The following STRBP variants were observed in gnomAD, a reference collection of about 807,000 sequenced individuals.
The protein encoded by STRBP is spermatid perinuclear RNA-binding protein.
STRBP carries 13 observed loss-of-function variants against 80.1 expected under a neutral mutation model. The observed-to-expected ratio is 0.16, with a 90% CI of 0.11 to 0.26. The LOEUF (loss-of-function observed/expected upper bound fraction) is 0.26. Among genes scored for constraint, STRBP ranks in the 10% least tolerant of loss-of-function variants. The probability of loss-of-function intolerance (pLI) is 1.00; values close to 1 mark genes in which losing one functional copy is unlikely to be tolerated. For synonymous variants in STRBP, 284 were observed against 291.2 expected (o/e 0.98, Z 0.25); for missense variants, 485 against 815.2 (o/e 0.59, Z 4.93).
intron 3 of STRBP, among the ~76,000 whole-genome samples, chr9:123,179,635 G>A (rs767253282): frequency 6.6e-6 from 1 of 152,088 alleles, no homozygotes; most frequent in Non-Finnish European, 1.5e-5. Flanking sequence ...AATTAGCTGG[G>A]TGTCGTGGCA....
At chr9:123,162,327 C>G (rs1336300443) in intron 6 of STRBP, among the ~76,000 whole-genome samples, 1 of 151,924 alleles carries the variant, frequency 6.6e-6, no homozygotes, top group Admixed American at 6.6e-5. Flanking sequence ...CAGGCTCAAG[C>G]GATCCTCCCA....
At chr9:123,139,205 T>C (rs918237196) in intron 14 of STRBP, among the ~76,000 whole-genome samples, 4 of 152,218 alleles carry the variant, frequency 2.6e-5, no homozygotes, top group African/African-American at 9.7e-5. Flanking sequence ...TCTTGGTATA[T>C]TCTGAAATAT....
chr9:123,262,848 C>T (rs2041187039), intron 1 of STRBP, among the ~76,000 whole-genome samples: 1 of 152,120 alleles, frequency 6.6e-6, no homozygotes, highest in Admixed American at 6.5e-5. Flanking sequence ...CACTTGGTCA[C>T]CTCACTATTC....
chr9:123,114,260 G>A (rs2035610739), intron 3 of STRBP: 1 of 167,070 alleles, frequency 6.0e-6, no homozygotes, highest in African/African-American at 2.4e-5. Flanking sequence ...GGCAGCACTG[G>A]GACAGACACA....
intron 6 of STRBP, among the ~76,000 whole-genome samples, chr9:123,168,702 C>T (rs896039954): frequency 6.6e-6 from 1 of 152,148 alleles, no homozygotes; most frequent in African/African-American, 2.4e-5. Flanking sequence ...CCCAGATAGG[C>T]TGCAATGCCT....
chr9:123,215,642 G>A (rs758235713), intron 2 of STRBP, among the ~76,000 whole-genome samples: 3 of 151,978 alleles, frequency 2.0e-5, no homozygotes, highest in South Asian at 2.1e-4. Flanking sequence ...AAAATTAGCC[G>A]GGTGTGGTGA....
At chr9:123,144,505 G>T (rs935916931) in intron 13 of STRBP, among the ~76,000 whole-genome samples, 5 of 152,096 alleles carry the variant, frequency 3.3e-5, no homozygotes, top group Non-Finnish European at 5.9e-5. Flanking sequence ...GCCACCCAGT[G>T]AATTTGCATC....
intron 1 of STRBP, among the ~76,000 whole-genome samples, chr9:123,244,269 C>T (rs892054195): frequency 6.6e-6 from 1 of 152,148 alleles, no homozygotes; most frequent in African/African-American, 2.4e-5. Flanking sequence ...ACTATGTTAA[C>T]AGTAAAAGGA....
At chr9:123,139,063 C>T (rs1049872667) in intron 14 of STRBP, among the ~76,000 whole-genome samples, 12 of 152,178 alleles carry the variant, frequency 7.9e-5, no homozygotes, top group African/African-American at 2.9e-4. Flanking sequence ...CTGTGTCAGG[C>T]TATGCCTTCC....
At chr9:123,196,770 C>G (rs1207380167) in intron 2 of STRBP, among the ~76,000 whole-genome samples, 1 of 152,118 alleles carries the variant, frequency 6.6e-6, no homozygotes, top group Non-Finnish European at 1.5e-5. Context: ...AAAGGAAACC[C>G]TTGTATACTG....
At chr9:123,156,678 C>CA (rs75671540) in intron 11 of STRBP, among the ~76,000 whole-genome samples, 1,084 of 88,416 alleles carry the variant, frequency 0.012, 5 homozygotes, top group South Asian at 0.031. Flanking sequence ...AGAAAAAGGC[C>CA]AAAAAAAAAA....
chr9:123,189,088 A>C (rs909217215), intron 2 of STRBP, among the ~76,000 whole-genome samples: 1 of 152,212 alleles, frequency 6.6e-6, no homozygotes, highest in African/African-American at 2.4e-5. Flanking sequence ...GACTGGATTA[A>C]GAAAATGTGG....
chr9:123,268,431 CCTACCCGCGCCGCCGCGCT>C lies in STRBP; in HGVS notation c.-316_-302+4del, dbSNP rs1385798871. The C allele has an allele frequency of 2.0e-5, 3 of 153,196 alleles. No individual in the cohort carries two copies. The highest frequency in any genetic ancestry group is 2.8e-5 in the Non-Finnish European group (2 of 70,246). 9.5% of individuals were successfully genotyped at this position (153,196 alleles called of 1,614,324 possible). On this transcript the variant is annotated splice_donor_variant and splice_donor_region_variant and 5_prime_UTR_variant and intron_variant, in exon 1 of 19. Transcript: ENST00000348403. LOFTEE classifies it low-confidence loss of function (5UTR_SPLICE). ...GCAGGCGCCCGCCCCGCCGCCGGAG[CCTACCCGCGCCGCCGCGCT>C]CTGCCCGCGCCCGGTACCCGCTCCC...
At chr9:123,198,623 G>T (rs201774982) in intron 2 of STRBP, among the ~76,000 whole-genome samples, 1 of 106,014 alleles carries the variant, frequency 9.4e-6, no homozygotes. Context: ...ATTTATTTTT[G>T]TTTTTGTTGC....
chr9:123,243,265 C>CAAAAAAAAAAAAAA (rs1160280485), intron 1 of STRBP, among the ~76,000 whole-genome samples: 9 of 78,948 alleles, frequency 1.1e-4, no homozygotes, highest in Non-Finnish European at 1.7e-4. Flanking sequence ...ATCAATAAGA[C>CAAAAAAAAAAAAAA]AAAAAAAAAA....
chr9:123,201,976 T>C (rs921018352), intron 2 of STRBP, among the ~76,000 whole-genome samples: 1 of 152,190 alleles, frequency 6.6e-6, no homozygotes, highest in Non-Finnish European at 1.5e-5. Flanking sequence ...TTGAATTGAT[T>C]GTTTTATTAT....
intron 6 of STRBP, among the ~76,000 whole-genome samples, chr9:123,163,906 A>G (rs1042175882): frequency 1.3e-5 from 2 of 152,200 alleles, no homozygotes; most frequent in Non-Finnish European, 2.9e-5. Flanking sequence ...TTAATTAGAA[A>G]CAATAGAACT....
intron 1 of STRBP, among the ~76,000 whole-genome samples, chr9:123,263,387 T>A (rs531645469): frequency 6.6e-6 from 1 of 151,888 alleles, no homozygotes; most frequent in African/African-American, 2.4e-5. Context: ...TAGCCAGATG[T>A]GGTGGCACAT....
chr9:123,183,352 G>A (rs1408833291), intron 3 of STRBP, among the ~76,000 whole-genome samples: 2 of 151,916 alleles, frequency 1.3e-5, no homozygotes, highest in Non-Finnish European at 2.9e-5. Flanking sequence ...AGGGAGAATT[G>A]CTTGAACCTG....
Sources: gnomAD v4.1 joint callset for allele counts (sites outside exome capture counted in the v4.1 genomes callset) on GRCh38, gnomAD v4.1.1 for gene constraint, MANE v1.5 for transcripts, NCBI Gene and HGNC (gene_info 2026-07-23, HGNC 2026-07-21) for gene names.